The following LIN28B variants were observed in gnomAD, a reference collection of about 807,000 sequenced individuals.
LIN28B encodes protein lin-28 homolog B.
A neutral mutation model predicts 21.9 loss-of-function variants in LIN28B; 5 were observed. The observed-to-expected ratio is 0.23, with a 90% CI of 0.12 to 0.48. The LOEUF is 0.48. Ranked by LOEUF, LIN28B falls within the 20% of genes least tolerant of loss-of-function variation. LIN28B has a pLI of 0.98. For missense variants in LIN28B, 245 were observed against 310.5 expected (o/e 0.79, Z 1.58); for synonymous variants, 109 against 111.3 (o/e 0.98, Z 0.13).
intron 3 of LIN28B, among the ~76,000 whole-genome samples, chr6:105,062,728 G>T (rs941126377): frequency 1.3e-5 from 2 of 151,838 alleles, no homozygotes; most frequent in Non-Finnish European, 2.9e-5. Context: ...ATTGTTCTTG[G>T]TGGTTCTTGC....
rs3035164 is a variant in LIN28B, at chr6:105,072,088, CTG to C, written c.384-6306_384-6305del. ...AAAGTCTACTTCAATTCTTTTGTGT[CTG>C]TGTGTGTGTGTGTGTGTGTATTAGT... On this transcript the variant is annotated intron_variant, in intron 3 of 3. Transcript: ENST00000345080. Among the ~76,000 whole-genome samples the C allele has an allele frequency of 3.8e-3, 568 of 148,654 alleles. 4 individuals are homozygous for C. The highest frequency in any genetic ancestry group is 5.2e-3 in the African/African-American group (214 of 40,786).
At position 105,050,226 on chromosome 6, in the gene LIN28B, C is replaced by G. The variant is rs552999058; in HGVS notation, c.383+23744C>G. ...TGACAAAATCTCTCAGCATTTGCTT[C>G]TCTGTAAAGTATTTTATTTCTCCTT... On this transcript the variant is annotated intron_variant, in intron 3 of 3. Coordinates refer to ENST00000345080, the MANE Select transcript of LIN28B (RefSeq NM_001004317.4). Among the ~76,000 whole-genome samples the G allele has an allele frequency of 1.5e-3, 222 of 152,156 alleles. 2 individuals are homozygous for G. The highest frequency in any genetic ancestry group is 4.3e-3 in the African/African-American group (180 of 41,458).
At chr6:104,948,020 GT>G (rs1260709016) in intron 2 of LIN28B, among the ~76,000 whole-genome samples, 1 of 152,098 alleles carries the variant, frequency 6.6e-6, no homozygotes, top group Non-Finnish European at 1.5e-5. Flanking sequence ...GTATGGAACA[GT>G]ATGAAAAAGA....
chr6:104,951,082 C>CTT (rs1447774584), intron 3 of LIN28B, among the ~76,000 whole-genome samples: 2 of 152,082 alleles, frequency 1.3e-5, no homozygotes, highest in East Asian at 3.9e-4. Flanking sequence ...GTCATTTGAA[C>CTT]TTTAATATTT....
intron 2 of LIN28B, among the ~76,000 whole-genome samples, chr6:104,992,588 C>G (rs1440016283): frequency 6.6e-6 from 1 of 151,710 alleles, no homozygotes; most frequent in Admixed American, 6.6e-5. Flanking sequence ...TCACTTCAGC[C>G]TTAACTTCCC....
At position 105,080,668 on chromosome 6, in the gene LIN28B, T is replaced by G. The variant is rs1275436802; in HGVS notation, c.*1885T>G. 1 of 152,640 alleles carries G rather than the reference T, an allele frequency of 6.6e-6. No homozygotes were observed. Among genetic ancestry groups the G allele is most frequent in the Non-Finnish European group, 1.5e-5 (1 of 68,038 alleles). The allele number at this position is 152,640 out of a possible 1,614,324, so 9.5% of individuals were successfully genotyped here. On this transcript the variant is annotated 3_prime_UTR_variant, in exon 4 of 4. Transcript: ENST00000345080. ...TACTTCCTTGCCTTATGTGAGGATT[T>G]CAAACTTATTTAAATTATGTAGACA...
chr6:104,982,063 C>G (rs1770235711), intron 2 of LIN28B, among the ~76,000 whole-genome samples: 1 of 151,966 alleles, frequency 6.6e-6, no homozygotes, highest in African/African-American at 2.4e-5. Context: ...ACCTGTAATC[C>G]CAACACTTTG....
At chr6:104,987,359 T>C (rs1770368707) in intron 2 of LIN28B, among the ~76,000 whole-genome samples, 1 of 152,164 alleles carries the variant, frequency 6.6e-6, no homozygotes, top group East Asian at 1.9e-4. Flanking sequence ...TTTTTGCACT[T>C]ATTTCTGGTG....
chr6:105,011,415 C>T (rs1336434145), intron 2 of LIN28B, among the ~76,000 whole-genome samples: 1 of 152,086 alleles, frequency 6.6e-6, no homozygotes, highest in Non-Finnish European at 1.5e-5. Context: ...GTGTTTAACT[C>T]CTGGGCCCAA....
rs184289343 is a variant in LIN28B at position 105,036,628 on chromosome 6, C to T, written c.383+10146C>T. Among the ~76,000 whole-genome samples the T allele has an allele frequency of 3.2e-3, 398 of 124,658 alleles. 1 individual carries two copies. Among genetic ancestry groups the T allele is most frequent in the Admixed American group, 1.0e-2 (106 of 10,624 alleles). The allele number at this position is 124,658 out of a possible 152,430, so 81.8% of individuals were successfully genotyped here. A position where few individuals can be genotyped will look rare whatever the true frequency, so the allele number is the denominator to read the frequency against. ...TTGTGTGGAGCTGAGCTTCATTTGGCGCTGCATAGGTCTCCCAAGATGCCA... is the reference window on the plus strand; with the variant it reads ...TTGTGTGGAGCTGAGCTTCATTTGGTGCTGCATAGGTCTCCCAAGATGCCA... On this transcript the variant is annotated intron_variant, in intron 3 of 3. Transcript: ENST00000345080.
At chr6:104,995,430 G>C (rs1056479387) in intron 2 of LIN28B, among the ~76,000 whole-genome samples, 9 of 152,112 alleles carry the variant, frequency 5.9e-5, no homozygotes, top group Admixed American at 2.6e-4. Flanking sequence ...CTCAGATTTG[G>C]GGGGGCCAGA....
chr6:104,952,864 G>A (rs1409338391), upstream of LIN28B, among the ~76,000 whole-genome samples: 1 of 152,136 alleles, frequency 6.6e-6, no homozygotes, highest in African/African-American at 2.4e-5. Flanking sequence ...TCTAACGTTG[G>A]ACCAATTGTG....
At chr6:104,950,494 G>C in exon 3 of LIN28B, 1 of 1,227,762 alleles carries the variant, frequency 8.1e-7, no homozygotes, top group East Asian at 3.2e-5. Flanking sequence ...ATTCAACCAG[G>C]TTTCATCAGC....
chr6:104,997,676 G>T (rs1208492520), intron 2 of LIN28B, among the ~76,000 whole-genome samples: 2 of 152,016 alleles, frequency 1.3e-5, no homozygotes, highest in Non-Finnish European at 2.9e-5. Flanking sequence ...AGAGAATAAT[G>T]ATGGTAGAAT....
intron 3 of LIN28B, among the ~76,000 whole-genome samples, chr6:105,059,651 T>C (rs983743698): frequency 6.6e-6 from 1 of 152,192 alleles, no homozygotes; most frequent in Non-Finnish European, 1.5e-5. Context: ...AGATGAAGCT[T>C]CTGCCATAGA....
chr6:105,001,524 G>C (rs1299871118), intron 2 of LIN28B, among the ~76,000 whole-genome samples: 1 of 152,190 alleles, frequency 6.6e-6, no homozygotes, highest in Non-Finnish European at 1.5e-5. Flanking sequence ...TCCTACAGCA[G>C]ATAGTCAGTG....
At chr6:104,975,109 C>T (rs909887230) in intron 2 of LIN28B, among the ~76,000 whole-genome samples, 5 of 151,996 alleles carry the variant, frequency 3.3e-5, no homozygotes, top group African/African-American at 1.2e-4. Context: ...CGTGAGCCAC[C>T]GCGCCCAGCC....
At chr6:105,054,975 T>A (rs1009570652) in intron 3 of LIN28B, among the ~76,000 whole-genome samples, 6 of 152,196 alleles carry the variant, frequency 3.9e-5, no homozygotes, top group Non-Finnish European at 7.3e-5. Flanking sequence ...GGGTTTTTTT[T>A]AAACTACTTG....
chr6:104,955,256 A>G (rs1169883057), upstream of LIN28B, among the ~76,000 whole-genome samples: 1 of 152,174 alleles, frequency 6.6e-6, no homozygotes, highest in Non-Finnish European at 1.5e-5. Flanking sequence ...GTTAGTAAAT[A>G]ATTTTTTCAG....
Sources: gnomAD v4.1 joint callset for allele counts (sites outside exome capture counted in the v4.1 genomes callset) on GRCh38, gnomAD v4.1.1 for gene constraint, MANE v1.5 for transcripts, NCBI Gene and HGNC (gene_info 2026-07-23, HGNC 2026-07-21) for gene names.